CT45A1: variants seen among roughly 807,000 people sequenced by gnomAD.
CT45A1 encodes cancer/testis antigen 45-1.
At chrX:135,709,227 G>A (rs1232343368), upstream of CT45A1, among the ~76,000 whole-genome samples, 27 of 112,095 alleles carry the variant, frequency 2.4e-4, no homozygotes, top group Non-Finnish European at 7.5e-5. Context: ...CCAGGTTCAA[G>A]CAGTTCTCTT....
chrX:135,715,212 A>AT (rs781850453), intron 1 of CT45A1, among the ~76,000 whole-genome samples: 1,284 of 88,898 alleles, frequency 0.014, 39 homozygotes, highest in Non-Finnish European at 0.024. Context: ...ATATATATAT[A>AT]ATACTTATAT....
At chrX:135,712,945 C>CTTTCTTTA (rs2087944792), upstream of CT45A1, among the ~76,000 whole-genome samples, 1 of 75,234 alleles carries the variant, frequency 1.3e-5, no homozygotes, top group African/African-American at 5.2e-5. Flanking sequence ...TTTTTTCTTT[C>CTTTCTTTA]TTTCTTTCTT....
upstream of CT45A1, among the ~76,000 whole-genome samples, chrX:135,711,763 G>T (rs1347869816): frequency 1.8e-5 from 2 of 111,951 alleles, no homozygotes; most frequent in Non-Finnish European, 3.8e-5. Flanking sequence ...AGTAAATTTT[G>T]CTGCACTTAA....
intron 1 of CT45A1, among the ~76,000 whole-genome samples, chrX:135,715,601 ATATATAATACTTATATG>A (rs1323401349): frequency 6.4e-5 from 6 of 93,410 alleles, no homozygotes; most frequent in Admixed American, 1.3e-4. Flanking sequence ...TATAATACTT[ATATATAATACTTATATG>A]TATATAATAC....
At chrX:135,714,101 G>A (rs1556570494) in intron 1 of CT45A1, among the ~76,000 whole-genome samples, 3 of 108,190 alleles carry the variant, frequency 2.8e-5, no homozygotes, top group Admixed American at 2.0e-4. Flanking sequence ...GACTCTATCT[G>A]TTCTCATGGA....
intron 1 of CT45A1, among the ~76,000 whole-genome samples, chrX:135,716,205 A>G (rs2087987854): frequency 9.0e-6 from 1 of 111,391 alleles, no homozygotes; most frequent in Non-Finnish European, 1.9e-5. Context: ...CAGTGATGGG[A>G]TTGCTGAGTC....
chrX:135,717,179 A>G (rs1226521487), intron 1 of CT45A1, among the ~76,000 whole-genome samples: 1 of 112,154 alleles, frequency 8.9e-6, no homozygotes, highest in Non-Finnish European at 1.9e-5. Flanking sequence ...TTTTGTTAAC[A>G]TGGTGGAATT....
chrX:135,713,141 G>A (rs569098206), upstream of CT45A1, among the ~76,000 whole-genome samples: 48 of 98,872 alleles, frequency 4.9e-4, no homozygotes, highest in South Asian at 2.5e-3. Context: ...GGGTTCCAGC[G>A]ATCCTCCCAC....
At chrX:135,709,103 A>G (rs1192080891), upstream of CT45A1, among the ~76,000 whole-genome samples, 1 of 112,303 alleles carries the variant, frequency 8.9e-6, no homozygotes, top group Non-Finnish European at 1.9e-5. Flanking sequence ...TCAGGTTGCC[A>G]GGGATGTCAC....
In CT45A1 at chrX:135,713,677, T is replaced by A; in HGVS notation, c.-20T>A. ...TGCCATTTTGTGAGGTGCTGCTGTCTCTCCTCCAGCAAGGTCAGGACTTAA... is the reference window on the plus strand; with the variant it reads ...TGCCATTTTGTGAGGTGCTGCTGTCACTCCTCCAGCAAGGTCAGGACTTAA... On this transcript the variant is annotated 5_prime_UTR_variant, in exon 1 of 5. Coordinates refer to ENST00000594565, the MANE Select transcript of CT45A1 (RefSeq NM_001017417.3). 8 of 750,895 alleles carry A rather than the reference T, an allele frequency of 1.1e-5. No individual in the cohort carries two copies. Among genetic ancestry groups the A allele is most frequent in the Non-Finnish European group, 1.3e-5 (8 of 636,721 alleles). The allele number at this position is 750,895 out of a possible 1,213,427, so 61.9% of individuals were successfully genotyped here.
At chrX:135,708,900 T>C (rs73633435), upstream of CT45A1, among the ~76,000 whole-genome samples, 645 of 110,919 alleles carry the variant, frequency 5.8e-3, 4 homozygotes, top group African/African-American at 0.019. Flanking sequence ...GTGCAAAGAA[T>C]GGTGTTACAT....
At chrX:135,717,867 G>T (rs1345107652) in intron 1 of CT45A1, among the ~76,000 whole-genome samples, 1 of 111,596 alleles carries the variant, frequency 9.0e-6, no homozygotes, top group African/African-American at 3.3e-5. Flanking sequence ...AATGTCATCT[G>T]TGAATGACAG....
chrX:135,710,318 C>T (rs2087927673), upstream of CT45A1: 1 of 111,903 alleles, frequency 8.9e-6, no homozygotes, highest in African/African-American at 3.3e-5. Context: ...AATGAATAAC[C>T]CTAGGAACTT....
intron 1 of CT45A1, among the ~76,000 whole-genome samples, chrX:135,714,283 TG>T (rs2087960248): frequency 9.2e-6 from 1 of 109,250 alleles, no homozygotes. Context: ...GGCTTTTCTT[TG>T]GTTCTGCTTA....
chrX:135,712,937 T>TCTTTCTTTCTTTCTTTCTTTC (rs782502268), upstream of CT45A1, among the ~76,000 whole-genome samples: 1 of 69,548 alleles, frequency 1.4e-5, no homozygotes, highest in African/African-American at 6.3e-5. Context: ...TCTTTTCTTT[T>TCTTTCTTTCTTTCTTTCTTTC]TTTCTTTCTT....
chrX:135,712,974 T>TTTCTTTCTTTCTTTC (rs782341458), upstream of CT45A1, among the ~76,000 whole-genome samples: 1 of 48,173 alleles, frequency 2.1e-5, no homozygotes, highest in Non-Finnish European at 3.8e-5. Context: ...TCTTTCTTTC[T>TTTCTTTCTTTCTTTC]TTTCTTTCTC....
chrX:135,714,167 G>C (rs1442918133), intron 1 of CT45A1, among the ~76,000 whole-genome samples: 1 of 109,650 alleles, frequency 9.1e-6, no homozygotes, highest in Admixed American at 9.7e-5. Context: ...TGGGATCGCT[G>C]ACGGGGGCTT....
chrX:135,714,256 C>T lies in CT45A1; in HGVS notation c.-7+566C>T, dbSNP rs1158457160. 4.6e-5 allele frequency among the ~76,000 whole-genome samples: 5 copies of T among 109,311 alleles called. No homozygotes were observed. In the South Asian group the frequency reaches 2.1e-3, roughly 47 times the overall value. The allele number at this position is 109,311 out of a possible 115,157, so 94.9% of individuals were successfully genotyped here. ...CATTTGCCCTTGGATGTCGCTCACT[C>T]TCAGCTAGGATGTGTTGGCTTTTCT... On this transcript the variant is annotated intron_variant, in intron 1 of 4. Coordinates refer to ENST00000594565, the MANE Select transcript of CT45A1 (RefSeq NM_001017417.3).
chrX:135,717,767 C>T (rs1407499241), intron 1 of CT45A1, among the ~76,000 whole-genome samples: 3 of 110,617 alleles, frequency 2.7e-5, no homozygotes, highest in Non-Finnish European at 5.7e-5. Context: ...TACAGAAATG[C>T]CATTGGTTTT....
Sources: allele counts gnomAD v4.1 joint callset (sites outside exome capture counted in the v4.1 genomes callset), GRCh38; gene constraint gnomAD v4.1.1; transcripts MANE v1.5; gene names NCBI Gene and HGNC (gene_info 2026-07-23, HGNC 2026-07-21).